KHDRBS2: variants seen among roughly 807,000 people sequenced by gnomAD.
KHDRBS2 encodes KH RNA binding domain containing, signal transduction associated 2.
KHDRBS2 carries 26 observed loss-of-function variants against 44.3 expected under a neutral mutation model. The observed-to-expected ratio is 0.59, with a 90% confidence interval of 0.43 to 0.81. The LOEUF (loss-of-function observed/expected upper bound fraction) is 0.81. Among genes scored for constraint, KHDRBS2 ranks in the 40% least tolerant of loss-of-function variants. KHDRBS2 has a pLI of 0.00. For missense variants in KHDRBS2, 476 were observed against 433.1 expected, an observed-to-expected ratio of 1.10 and a Z score of -0.88; for synonymous variants, 194 against 151.1, an observed-to-expected ratio of 1.28 and a Z score of -2.08.
intron 4 of KHDRBS2, among the ~76,000 whole-genome samples, chr6:61,911,801 G>T (rs1246057752): frequency 1.3e-5 from 2 of 151,692 alleles, no homozygotes; most frequent in Non-Finnish European, 2.9e-5. Flanking sequence ...TTTGTAAAGA[G>T]TATACAATAT....
At chr6:62,140,710 G>A (rs750535641) in intron 2 of KHDRBS2, among the ~76,000 whole-genome samples, 5 of 152,170 alleles carry the variant, frequency 3.3e-5, no homozygotes, top group African/African-American at 4.8e-5. Context: ...TGTTACATGC[G>A]TGCCATGGAT....
chr6:62,155,598 C>T (rs1334532406), intron 2 of KHDRBS2, among the ~76,000 whole-genome samples: 1 of 152,192 alleles, frequency 6.6e-6, no homozygotes, highest in Middle Eastern at 3.2e-3. Context: ...AGGTTTGGTT[C>T]TGGCCCCAAC....
chr6:62,180,617 C>A (rs1230292514), intron 1 of KHDRBS2, among the ~76,000 whole-genome samples: 3 of 151,692 alleles, frequency 2.0e-5, no homozygotes, highest in Non-Finnish European at 4.4e-5. Context: ...GTCCATAATA[C>A]CCCAATAACC....
chr6:62,011,776 G>A (rs1780338014), intron 3 of KHDRBS2, among the ~76,000 whole-genome samples: 2 of 152,110 alleles, frequency 1.3e-5, no homozygotes, highest in African/African-American at 4.8e-5. Flanking sequence ...CACATACTAA[G>A]TGCTCAATGT....
chr6:62,248,320 A>T (rs892166163), intron 1 of KHDRBS2, among the ~76,000 whole-genome samples: 5 of 150,976 alleles, frequency 3.3e-5, no homozygotes, highest in Admixed American at 1.3e-4. Context: ...CCAGCAAAAC[A>T]TCTAATCCAG....
intron 2 of KHDRBS2, among the ~76,000 whole-genome samples, chr6:62,083,297 C>T (rs1160405717): frequency 6.6e-6 from 1 of 152,116 alleles, no homozygotes; most frequent in Non-Finnish European, 1.5e-5. Context: ...CAGCCAGGGA[C>T]AGCCATACTC....
At chr6:61,745,506 C>A (rs375562542) in intron 6 of KHDRBS2, among the ~76,000 whole-genome samples, 165 of 152,224 alleles carry the variant, frequency 1.1e-3, no homozygotes, top group African/African-American at 3.9e-3. Flanking sequence ...ATCCTTGCTG[C>A]TTCAGGATAG....
chr6:61,566,124 A>G, the KHDRBS2 span, among the ~76,000 whole-genome samples: 1 of 152,100 alleles, frequency 6.6e-6, no homozygotes, highest in Non-Finnish European at 1.5e-5. Flanking sequence ...TTCATTGTAA[A>G]ATAAGCCAGA....
intron 6 of KHDRBS2, among the ~76,000 whole-genome samples, chr6:61,792,756 A>G (rs184646819): frequency 5.9e-5 from 9 of 152,086 alleles, no homozygotes; most frequent in Non-Finnish European, 1.0e-4. Flanking sequence ...TTAATTTAAT[A>G]TAGTATATTT....
chr6:61,578,378 A>G, the KHDRBS2 span, among the ~76,000 whole-genome samples: 1 of 152,166 alleles, frequency 6.6e-6, no homozygotes, highest in African/African-American at 2.4e-5. Context: ...AGCAACAATT[A>G]TGTGTCATGA....
In KHDRBS2 at chr6:61,925,730, A is replaced by C. The variant is rs1439602957; in HGVS notation, c.484-24359T>G. Among the ~76,000 whole-genome samples the C allele has an allele frequency of 9.7e-3, 1,477 of 151,914 alleles. 26 individuals are homozygous for C. Among genetic ancestry groups the C allele is most frequent in the African/African-American group, 0.034 (1,418 of 41,424 alleles). ...GAGTAAGGCTCTCTCTCTCTCAAAAAAAAAAAAAAAAGAAATTTGTAGTTT... is the reference window on the plus strand; with the variant it reads ...GAGTAAGGCTCTCTCTCTCTCAAAACAAAAAAAAAAAGAAATTTGTAGTTT... On this transcript the variant is annotated intron_variant, in intron 4 of 8. Transcript: ENST00000281156.
chr6:62,280,684 C>T (rs903620532), intron 1 of KHDRBS2, among the ~76,000 whole-genome samples: 2 of 152,122 alleles, frequency 1.3e-5, no homozygotes, highest in African/African-American at 4.8e-5. Flanking sequence ...AGATTATTTT[C>T]CAATATTTGT....
At chr6:61,810,781 G>A (rs1787996886) in intron 6 of KHDRBS2, among the ~76,000 whole-genome samples, 2 of 152,030 alleles carry the variant, frequency 1.3e-5, no homozygotes. Flanking sequence ...AATAAGAATA[G>A]AGTAAAATAA....
chr6:61,796,195 A>C (rs1485978126), intron 6 of KHDRBS2, among the ~76,000 whole-genome samples: 1 of 152,032 alleles, frequency 6.6e-6, no homozygotes, highest in African/African-American at 2.4e-5. Context: ...ATTTGGCTTC[A>C]TTATTATTTT....
At chr6:61,787,182 T>G (rs1783946330) in intron 6 of KHDRBS2, among the ~76,000 whole-genome samples, 1 of 86,234 alleles carries the variant, frequency 1.2e-5, no homozygotes, top group African/African-American at 6.5e-5. Flanking sequence ...TTTTATTAGA[T>G]ACTTTGTTTT....
chr6:61,682,327 T>C (rs1383478254), intron 8 of KHDRBS2, among the ~76,000 whole-genome samples: 1 of 151,892 alleles, frequency 6.6e-6, no homozygotes, highest in Non-Finnish European at 1.5e-5. Flanking sequence ...ACCAGGGCAT[T>C]ATTATTACAA....
At chr6:61,583,709 A>T in the KHDRBS2 span, among the ~76,000 whole-genome samples, 11 of 151,678 alleles carry the variant, frequency 7.3e-5, no homozygotes, top group East Asian at 1.9e-4. Flanking sequence ...TTGTTTTTTT[A>T]AAATAAATTT....
At chr6:62,150,967 A>G (rs1306256547) in intron 2 of KHDRBS2, among the ~76,000 whole-genome samples, 1 of 152,106 alleles carries the variant, frequency 6.6e-6, no homozygotes, top group Non-Finnish European at 1.5e-5. Context: ...TCCTAGGACA[A>G]TCTTTAAGCT....
At chr6:61,574,384 C>G in the KHDRBS2 span, 1 of 1,524,892 alleles carries the variant, frequency 6.6e-7, no homozygotes, top group South Asian at 1.2e-5. Flanking sequence ...CTGACCTGCC[C>G]GTGAAGAGGC....
Sources: allele counts gnomAD v4.1 joint callset (sites outside exome capture counted in the v4.1 genomes callset), GRCh38; gene constraint gnomAD v4.1.1; transcripts MANE v1.5; gene names NCBI Gene and HGNC (gene_info 2026-07-23, HGNC 2026-07-21).